Variants in SLC37A3 observed in about 807,000 individuals in gnomAD.
The protein encoded by SLC37A3 is solute carrier family 37 member 3.
Under a neutral mutation model 67.1 loss-of-function variants are expected in SLC37A3, and 51 were observed. The ratio of observed to expected loss-of-function variants is 0.76; its 90% CI spans 0.61 to 0.96. The LOEUF (loss-of-function observed/expected upper bound fraction) is 0.96, where lower values mean the gene tolerates loss of function less well. Ranked by LOEUF, SLC37A3 falls within the 40% of genes least tolerant of loss-of-function variation. The pLI is 0.00. For synonymous variants in SLC37A3, 214 were observed against 231.4 expected, an observed-to-expected ratio of 0.92 and a Z score of 0.68; for missense variants, 508 against 603.0, an observed-to-expected ratio of 0.84 and a Z score of 1.65.
chr7:140,333,826 A>G lies in SLC37A3; in HGVS notation c.*1586T>C, dbSNP rs1796033487. Reference sequence around the variant, plus strand: ...CTTTTTGTCAGTAAATGAGCAATACACTGATTGGAAATCTGCATGATTAAA... The same window carrying G: ...CTTTTTGTCAGTAAATGAGCAATACGCTGATTGGAAATCTGCATGATTAAA... On this transcript the variant is annotated 3_prime_UTR_variant, in exon 15 of 15. Coordinates refer to ENST00000326232, the MANE Select transcript of SLC37A3 (RefSeq NM_207113.3). The G allele has an allele frequency of 6.6e-6, 1 of 152,632 alleles. No individual in the cohort carries two copies. Among genetic ancestry groups the G allele is most frequent in the African/African-American group, 2.4e-5 (1 of 41,440 alleles). The allele number at this position is 152,632 out of a possible 1,614,324, so 9.5% of individuals were successfully genotyped here. A position where few individuals can be genotyped will look rare whatever the true frequency, so the allele number is the denominator to read the frequency against.
chr7:140,358,537 G>T, intron 6 of SLC37A3, 103 bp downstream of exon 6: 1 of 1,452,624 alleles, frequency 6.9e-7, no homozygotes, highest in South Asian at 1.2e-5. Flanking sequence ...CGAAAGATGT[G>T]GGTGGTATCT....
chr7:140,374,496 CAAAA>C (rs5887970), intron 3 of SLC37A3, among the ~76,000 whole-genome samples: 1 of 125,570 alleles, frequency 8.0e-6, no homozygotes. Context: ...GACTCAATCT[CAAAA>C]AAAAAAAAAA....
intron 5 of SLC37A3, among the ~76,000 whole-genome samples, chr7:140,363,711 A>C (rs953079870): frequency 7.9e-6 from 1 of 127,354 alleles, no homozygotes; most frequent in African/African-American, 2.9e-5. Flanking sequence ...TAAATAAAAA[A>C]ATAAAAAAAA....
At chr7:140,394,403 A>C (rs959731890) in intron 1 of SLC37A3, among the ~76,000 whole-genome samples, 5 of 151,964 alleles carry the variant, frequency 3.3e-5, no homozygotes, top group Non-Finnish European at 2.9e-5. Context: ...GGATCACTTA[A>C]GCTCAAGAGT....
chr7:140,359,109 C>T (rs4580957), intron 5 of SLC37A3, among the ~76,000 whole-genome samples: 6,062 of 152,060 alleles, frequency 0.04, 406 homozygotes, highest in African/African-American at 0.14. Context: ...TTTGGGAGGC[C>T]GAGGAGGGCA....
At chr7:140,357,564 G>GAA (rs146188700) in intron 6 of SLC37A3, among the ~76,000 whole-genome samples, 1 of 118,660 alleles carries the variant, frequency 8.4e-6, no homozygotes, top group Non-Finnish European at 1.8e-5. Flanking sequence ...TTCTCTACAG[G>GAA]AAAAAAAAAA....
rs1302856845 is a variant in SLC37A3 at position 140,334,508 on chromosome 7, C to T, written c.*904G>A. On this transcript the variant is annotated 3_prime_UTR_variant, in exon 15 of 15. Coordinates refer to ENST00000326232, the MANE Select transcript of SLC37A3 (RefSeq NM_207113.3). ...CCAGGAAGCTGCTTGTGCCAGAGAT[C>T]AATCCTCTAAAAATAGACTAAGCAG... 6.6e-6 allele frequency: 1 copy of T among 152,300 alleles called. No homozygotes were observed. Among genetic ancestry groups the T allele is most frequent in the Non-Finnish European group, 1.5e-5 (1 of 68,020 alleles). 9.4% of individuals were successfully genotyped at this position (152,300 alleles called of 1,614,324 possible).
chr7:140,358,615 A>C lies in SLC37A3; in HGVS notation c.521+25T>G, dbSNP rs754124056. On this transcript the variant is annotated intron_variant, in intron 6 of 14. Transcript: ENST00000326232. ...CCATGGAAACCACTTAAACAGAGAAATTAGAGAGGAAGGAAGTGGCATACC... is the reference window on the plus strand; with the variant it reads ...CCATGGAAACCACTTAAACAGAGAACTTAGAGAGGAAGGAAGTGGCATACC... The C allele has an allele frequency of 2.5e-6, 4 of 1,613,238 alleles. No homozygotes were observed. In the South Asian group the frequency reaches 4.4e-5, roughly 18 times the overall value.
At chr7:140,354,091 A>G (rs1212929171) in intron 7 of SLC37A3, among the ~76,000 whole-genome samples, 1 of 152,240 alleles carries the variant, frequency 6.6e-6, no homozygotes, top group Admixed American at 6.5e-5. Context: ...ACAGGTGCAC[A>G]GCATTGCTTT....
intron 3 of SLC37A3, among the ~76,000 whole-genome samples, chr7:140,373,382 T>C (rs1301535149): frequency 6.6e-6 from 1 of 152,220 alleles, no homozygotes; most frequent in East Asian, 1.9e-4. Context: ...ATTTGGGTAC[T>C]TGGCATCTAT....
Position 140,342,822 on chromosome 7 carries a change from G to A in SLC37A3, c.1326+590C>T, listed in dbSNP as rs1796410469. 2.0e-5 allele frequency among the ~76,000 whole-genome samples: 3 copies of A among 152,202 alleles called. No homozygotes were observed. The South Asian group carries it at 6.2e-4, about 32-fold the overall frequency. ...TAGGTTCGAACTCAGCAAGTCTGTA[G>A]TATGCTTGGTGTTCTGTACTTTAAT... On this transcript the variant is annotated intron_variant, in intron 13 of 14. Transcript: ENST00000326232.
intron 9 of SLC37A3, among the ~76,000 whole-genome samples, chr7:140,350,482 A>G (rs1392548892): frequency 6.6e-6 from 1 of 152,200 alleles, no homozygotes; most frequent in Non-Finnish European, 1.5e-5. Flanking sequence ...AAAAGGGGGC[A>G]AGCCAGGCGC....
intron 3 of SLC37A3, among the ~76,000 whole-genome samples, chr7:140,371,549 T>C (rs1002156589): frequency 3.3e-5 from 5 of 152,202 alleles, no homozygotes; most frequent in Non-Finnish European, 5.9e-5. Context: ...TGTGTTTAAA[T>C]CCAGTTTTTA....
intron 1 of SLC37A3, among the ~76,000 whole-genome samples, chr7:140,386,507 A>G (rs1336338550): frequency 6.6e-6 from 1 of 150,378 alleles, no homozygotes; most frequent in Non-Finnish European, 1.5e-5. Flanking sequence ...CTATCACAGA[A>G]GTGATTTCCA....
At chr7:140,348,462 C>CTTT (rs66700092) in intron 10 of SLC37A3, 164 bp downstream of exon 10, 3 of 363,158 alleles carry the variant, frequency 8.3e-6, no homozygotes, top group Non-Finnish European at 1.3e-5. Context: ...CTTTTCTTTT[C>CTTT]TTTTTTTTTT....
chr7:140,342,409 G>A (rs566822499), intron 13 of SLC37A3, among the ~76,000 whole-genome samples: 2 of 152,070 alleles, frequency 1.3e-5, no homozygotes, highest in African/African-American at 2.4e-5. Flanking sequence ...CTTCTCAAAC[G>A]CAGTTCCCTT....
Position 140,339,885 on chromosome 7 carries a change from C to T in SLC37A3, c.1327-2536G>A, listed in dbSNP as rs528169071. On this transcript the variant is annotated intron_variant, in intron 13 of 14. Transcript: ENST00000326232. ...CCAAGTAGCTGGGACCACAGGCACCCGCCACAACGCCCAGCCAATTTTTCT... is the reference window on the plus strand; with the variant it reads ...CCAAGTAGCTGGGACCACAGGCACCTGCCACAACGCCCAGCCAATTTTTCT... Among the ~76,000 whole-genome samples, 148 of 152,092 alleles carry T rather than the reference C, an allele frequency of 9.7e-4. 2 individuals are homozygous for T. The highest frequency in any genetic ancestry group is 3.5e-3 in the African/African-American group (145 of 41,484).
intron 1 of SLC37A3, among the ~76,000 whole-genome samples, chr7:140,383,629 G>A (rs1430902530): frequency 6.6e-6 from 1 of 152,026 alleles, no homozygotes; most frequent in Non-Finnish European, 1.5e-5. Context: ...AAGAAACAGA[G>A]AAAGAGGTCA....
chr7:140,380,283 T>C lies in SLC37A3; in HGVS notation c.197A>G (p.Glu66Gly). The C allele has an allele frequency of 6.2e-7, 1 of 1,603,104 alleles. No homozygotes were observed. Among genetic ancestry groups the C allele is most frequent in the Non-Finnish European group, 8.5e-7 (1 of 1,170,286 alleles). Residue 66 changes from glutamate (E) to glycine (G), a missense_variant and splice_region_variant, in exon 3 of 15, where the codon GAG becomes GGG. Coordinates refer to ENST00000326232, the MANE Select transcript of SLC37A3 (RefSeq NM_207113.3). ...ATCCCAGCACTCTGTTCTGCTTACC[T>C]CCACAGGCAGCTCAACTGACGTGTT... is the stretch of plus-strand genomic sequence containing the variant. ...AFNTSVELPV[E>G]IWSSNHLFPS... is the part of the protein sequence containing the mutation.
Sources: gnomAD v4.1 joint callset for allele counts (sites outside exome capture counted in the v4.1 genomes callset) on GRCh38, gnomAD v4.1.1 for gene constraint, MANE v1.5 for transcripts, NCBI Gene and HGNC (gene_info 2026-07-23, HGNC 2026-07-21) for gene names.